CARS1: variants seen among roughly 807,000 people sequenced by gnomAD.
CARS1 encodes the protein cysteinyl-tRNA synthetase 1, also known as cysteine--tRNA ligase, cytoplasmic.
In CARS1, 48 loss-of-function variants were observed where a neutral mutation model predicts 106.2. The observed-to-expected ratio is 0.45, with a 90% CI of 0.36 to 0.57. The LOEUF (loss-of-function observed/expected upper bound fraction) is 0.57, where lower values mean the gene tolerates loss of function less well. Among genes scored for constraint, CARS1 ranks in the 20% least tolerant of loss-of-function variants. The pLI is 0.00. For missense variants in CARS1, 968 were observed against 1,057.2 expected (o/e 0.92, Z 1.17); for synonymous variants, 409 against 403.4 (o/e 1.01, Z -0.17).
chr11:3,051,954 C>G (rs572049155), intron 1 of CARS1, among the ~76,000 whole-genome samples: 5 of 152,364 alleles, frequency 3.3e-5, no homozygotes, highest in Admixed American at 6.5e-5. Flanking sequence ...CTCTCACACT[C>G]AGAATGGATT....
At position 3,019,824 on chromosome 11, in the gene CARS1, AG is replaced by A. The variant is rs1851405099; in HGVS notation, c.1266+395del. 6.6e-6 allele frequency among the ~76,000 whole-genome samples: 1 copy of A among 152,152 alleles called. No individual in the cohort carries two copies. The highest frequency in any genetic ancestry group is 1.5e-5 in the Non-Finnish European group (1 of 68,010). ...ACATCCAGACCTCTGAGCCCTTGAC[AG>A]CTGCAGATGGTCACGCCCCTTCCTA... On this transcript the variant is annotated intron_variant, in intron 11 of 22. Coordinates refer to ENST00000380525, the MANE Select transcript of CARS1 (RefSeq NM_001014437.3). The surrounding 1 kb of genome is among the most constrained non-coding windows in gnomAD (Gnocchi z 6.2).
Position 3,037,770 on chromosome 11 carries a change from T to C in CARS1, c.801+280A>G, listed in dbSNP as rs1038825895. Among the ~76,000 whole-genome samples the C allele has an allele frequency of 6.6e-6, 1 of 152,048 alleles. No homozygotes were observed. The highest frequency in any genetic ancestry group is 1.5e-5 in the Non-Finnish European group (1 of 68,014). ...TGCCTCCCCACGTTCCAAGTGCACCTCCTGCCTATCTGATGGAAGTGGTGG... is the reference window on the plus strand; with the variant it reads ...TGCCTCCCCACGTTCCAAGTGCACCCCCTGCCTATCTGATGGAAGTGGTGG... On this transcript the variant is annotated intron_variant, in intron 7 of 22. Coordinates refer to ENST00000380525, the MANE Select transcript of CARS1 (RefSeq NM_001014437.3). This position sits in a 1 kb window ranked among gnomAD's most constrained non-coding sequence, Gnocchi z 5.9.
In CARS1 at chr11:3,045,101, G is replaced by C. The variant is rs1854945801; in HGVS notation, c.274+2652C>G. Among the ~76,000 whole-genome samples the C allele has an allele frequency of 6.6e-6, 1 of 152,150 alleles. No homozygotes were observed. Among genetic ancestry groups the C allele is most frequent in the Non-Finnish European group, 1.5e-5 (1 of 68,044 alleles). ...GTAGGGAGAGGCCGGCGGGCTGGAA[G>C]GGCTGAGCCTCCACTGCGGGTGAGA... On this transcript the variant is annotated intron_variant, in intron 2 of 22. Coordinates refer to ENST00000380525, the MANE Select transcript of CARS1 (RefSeq NM_001014437.3). This position sits in a 1 kb window ranked among gnomAD's most constrained non-coding sequence, Gnocchi z 5.6.
In CARS1 at chr11:3,038,796, C is replaced by T. The variant is rs971544671; in HGVS notation, c.651+398G>A. Among the ~76,000 whole-genome samples the T allele has an allele frequency of 6.6e-6, 1 of 152,160 alleles. No homozygotes were observed. Among genetic ancestry groups the T allele is most frequent in the Non-Finnish European group, 1.5e-5 (1 of 68,036 alleles). On this transcript the variant is annotated intron_variant, in intron 6 of 22. Transcript: ENST00000380525. The surrounding 1 kb of genome is among the most constrained non-coding windows in gnomAD (Gnocchi z 4.0). ...TTCTTCAAAAGATTCTGAAAATTTA[C>T]AGTATTACCAAATTAAAAAGCTTAG...
rs1333315219 is a variant in CARS1, at chr11:3,057,347, C to T, written c.21G>A (p.Gln7=). MADSSG[Q]QAPDYRSILS... ...TGGCCCGGCCGCGCCGCTCACCCTG[C>T]TGCCCGGAGGAATCTGCCATGGCTG... Residue 7 remains glutamine (Q), a synonymous_variant, in exon 1 of 23, where the codon CAG becomes CAA. Transcript: ENST00000380525. The T allele has an allele frequency of 1.2e-6, 2 of 1,610,194 alleles. No individual in the cohort carries two copies. Among genetic ancestry groups the T allele is most frequent in the Non-Finnish European group, 1.7e-6 (2 of 1,178,764 alleles).
rs1264639906 is a variant in CARS1 at position 3,029,441 on chromosome 11, C to A, written c.804G>T (p.Val268=). 2 of 1,613,662 alleles carry A rather than the reference C, an allele frequency of 1.2e-6. No individual in the cohort carries two copies. Among genetic ancestry groups the A allele is most frequent in the Admixed American group, 3.3e-5 (2 of 60,022 alleles). Residue 268 remains valine, a splice_region_variant and synonymous_variant, in exon 8 of 23, where the codon GTG becomes GTT. Coordinates refer to ENST00000380525, the MANE Select transcript of CARS1 (RefSeq NM_001014437.3). The surrounding 1 kb of genome is among the most constrained non-coding windows in gnomAD (Gnocchi z 5.9). Reference sequence around the variant, plus strand: ...GCAAATCCTTGGCTTCTTCCAGCAACACCTGAAGAGAAAGAAACAAAAATC... The same window carrying A: ...GCAAATCCTTGGCTTCTTCCAGCAAAACCTGAAGAGAAAGAAACAAAAATC... ...TGEEVNSCVE[V]LLEEAKDLLS...
Position 3,039,259 on chromosome 11 carries a change from C to G in CARS1, c.586G>C (p.Glu196Gln). Residue 196 changes from glutamate (E) to glutamine (Q), a missense_variant, in exon 6 of 23, where the codon GAG becomes CAG. Physicochemically the swap from Glu to Gln is conservative, Grantham distance 29. Coordinates refer to ENST00000380525, the MANE Select transcript of CARS1 (RefSeq NM_001014437.3). The surrounding 1 kb of genome is among the most constrained non-coding windows in gnomAD (Gnocchi z 5.6). ...IKRARQNHLFEQYREKRPEAA... is the reference protein window; with the variant it reads ...IKRARQNHLFQQYREKRPEAA... ...TCAGGCCTCTTCTCCCGATACTGCTCGAACAGGTGGTTCTGCCGGGCCCTC... is the reference window on the plus strand; with the variant it reads ...TCAGGCCTCTTCTCCCGATACTGCTGGAACAGGTGGTTCTGCCGGGCCCTC... 6 of 1,613,792 alleles carry G rather than the reference C, an allele frequency of 3.7e-6. No homozygotes were observed. The highest frequency in any genetic ancestry group is 5.1e-6 in the Non-Finnish European group (6 of 1,179,776).
intron 1 of CARS1, chr11:3,055,087 A>G: frequency 1.6e-6 from 1 of 629,642 alleles, no homozygotes; most frequent in East Asian, 2.7e-5. Flanking sequence ...TTCTGAGTCA[A>G]CTTAGGGAAG....
At position 3,044,699 on chromosome 11, in the gene CARS1, C is replaced by T. The variant is rs1265179150; in HGVS notation, c.275-2443G>A. On this transcript the variant is annotated intron_variant, in intron 2 of 22. Coordinates refer to ENST00000380525, the MANE Select transcript of CARS1 (RefSeq NM_001014437.3). This position sits in a 1 kb window ranked among gnomAD's most constrained non-coding sequence, Gnocchi z 4.4. Reference sequence around the variant, plus strand: ...TGTGAGCCACCGCGCCTGGCCTGTGCTTTTGTTTCTTTGGAAAAAATGAAC... The same window carrying T: ...TGTGAGCCACCGCGCCTGGCCTGTGTTTTTGTTTCTTTGGAAAAAATGAAC... 6.6e-6 allele frequency among the ~76,000 whole-genome samples: 1 copy of T among 151,638 alleles called. No homozygotes were observed. The highest frequency in any genetic ancestry group is 1.5e-5 in the Non-Finnish European group (1 of 67,972).
chr11:3,000,966 C>T lies in CARS1; in HGVS notation c.*148G>A. ...AAAATTTATTATCAATGTCTCAGAG[C>T]CAACGACGACACGAACCTACATGAA... On this transcript the variant is annotated 3_prime_UTR_variant, in exon 23 of 23. Transcript: ENST00000380525. The surrounding 1 kb of genome is among the most constrained non-coding windows in gnomAD (Gnocchi z 7.1). 2 of 846,348 alleles carry T rather than the reference C, an allele frequency of 2.4e-6. No homozygotes were observed. Among genetic ancestry groups the T allele is most frequent in the Non-Finnish European group, 3.7e-6 (2 of 535,558 alleles). 52.4% of individuals were successfully genotyped at this position (846,348 alleles called of 1,614,324 possible).
intron 2 of CARS1, among the ~76,000 whole-genome samples, chr11:3,042,571 A>G (rs185753549): frequency 9.9e-4 from 150 of 152,252 alleles, no homozygotes; most frequent in African/African-American, 3.4e-3. Context: ...GCATACCCCA[A>G]TAACACCCTT....
intron 1 of CARS1, among the ~76,000 whole-genome samples, chr11:3,055,574 C>T (rs1856123004): frequency 6.6e-6 from 1 of 152,252 alleles, no homozygotes; most frequent in Admixed American, 6.5e-5. Flanking sequence ...AGGCTGAGGA[C>T]TGGGCAATCT....
Position 3,002,601 on chromosome 11 carries a change from C to T in CARS1, c.2218-1G>A. The stretch of plus-strand genomic sequence containing the variant: ...TCTTCTTCCTCTTCTCCTCTTCAAC[C>T]TGGAGGGTCAATACAGAGCCAGATG... On this transcript the variant is annotated splice_acceptor_variant, in intron 20 of 22. Transcript: ENST00000380525. LOFTEE classifies it high-confidence loss of function. 1 of 1,614,136 alleles carries T rather than the reference C, an allele frequency of 6.2e-7. No individual in the cohort carries two copies. Among genetic ancestry groups the T allele is most frequent in the Non-Finnish European group, 8.5e-7 (1 of 1,179,988 alleles).
At position 3,037,912 on chromosome 11, in the gene CARS1, GC is replaced by G; in HGVS notation, c.801+137del. Reference sequence around the variant, plus strand: ...CAGCCACCGCAGAACAGGGCCGCCTGCCACAGTGGAGCTACTGGAGACACAG... The same window carrying G: ...CAGCCACCGCAGAACAGGGCCGCCTGCACAGTGGAGCTACTGGAGACACAG... On this transcript the variant is annotated intron_variant, in intron 7 of 22. Coordinates refer to ENST00000380525, the MANE Select transcript of CARS1 (RefSeq NM_001014437.3). This position sits in a 1 kb window ranked among gnomAD's most constrained non-coding sequence, Gnocchi z 5.9. 1.2e-6 allele frequency: 1 copy of G among 850,284 alleles called. No homozygotes were observed. Among genetic ancestry groups the G allele is most frequent in the South Asian group, 1.9e-5 (1 of 53,696 alleles). The allele number at this position is 850,284 out of a possible 1,614,324, so 52.7% of individuals were successfully genotyped here.
Position 3,004,067 on chromosome 11 carries a change from C to G in CARS1, c.2217+1299G>C, listed in dbSNP as rs1849633693. Among the ~76,000 whole-genome samples the G allele has an allele frequency of 6.6e-6, 1 of 152,196 alleles. No individual in the cohort carries two copies. Among genetic ancestry groups the G allele is most frequent in the African/African-American group, 2.4e-5 (1 of 41,438 alleles). Reference sequence around the variant, plus strand: ...GCAGCAAGCCAGGGCGTCTGCACAGCCAGCACCAGGCCACCTCACAGCACA... The same window carrying G: ...GCAGCAAGCCAGGGCGTCTGCACAGGCAGCACCAGGCCACCTCACAGCACA... On this transcript the variant is annotated intron_variant, in intron 20 of 22. Coordinates refer to ENST00000380525, the MANE Select transcript of CARS1 (RefSeq NM_001014437.3). The surrounding 1 kb of genome is among the most constrained non-coding windows in gnomAD (Gnocchi z 5.2).
rs7112150 is a variant in CARS1, at chr11:3,022,324, C to T, written c.1154-1992G>A. On this transcript the variant is annotated intron_variant, in intron 10 of 22. Coordinates refer to ENST00000380525, the MANE Select transcript of CARS1 (RefSeq NM_001014437.3). The surrounding 1 kb of genome is among the most constrained non-coding windows in gnomAD (Gnocchi z 4.9). ...GACCTGCACCAAGGAACTGACTCGT[C>T]GCAGAAATGTGGTTTACCTCCCTGT... is the stretch of plus-strand genomic sequence containing the variant. 2.6e-5 allele frequency among the ~76,000 whole-genome samples: 4 copies of T among 152,204 alleles called. No homozygotes were observed. The highest frequency in any genetic ancestry group is 9.7e-5 in the African/African-American group (4 of 41,432).
At chr11:3,002,478 G>A in intron 21 of CARS1, 63 bp downstream of exon 21, 1 of 1,604,300 alleles carries the variant, frequency 6.2e-7, no homozygotes, top group Non-Finnish European at 8.5e-7. Context: ...GAGAGCCACA[G>A]GGCATGGGGT....
At position 3,003,939 on chromosome 11, in the gene CARS1, T is replaced by C. The variant is rs1849623652; in HGVS notation, c.2218-1339A>G. Reference sequence around the variant, plus strand: ...CACAGGCCACAGCCAAGGTGGCCAGTGGAAAGGCCAGCACAAAGAGTGCAA... The same window carrying C: ...CACAGGCCACAGCCAAGGTGGCCAGCGGAAAGGCCAGCACAAAGAGTGCAA... On this transcript the variant is annotated intron_variant, in intron 20 of 22. Transcript: ENST00000380525. The surrounding 1 kb of genome is among the most constrained non-coding windows in gnomAD (Gnocchi z 4.8). Among the ~76,000 whole-genome samples the C allele has an allele frequency of 2.0e-5, 3 of 151,996 alleles. No homozygotes were observed. Among genetic ancestry groups the C allele is most frequent in the Admixed American group, 2.0e-4 (3 of 15,258 alleles).
In CARS1 at chr11:3,043,237, G is replaced by A. The variant is rs893794701; in HGVS notation, c.275-981C>T. ...CTGTCCTTACACAACCTGCATCTGA[G>A]ATCCCTGAAGGGGCAGAGCTCTGTC... On this transcript the variant is annotated intron_variant, in intron 2 of 22. Coordinates refer to ENST00000380525, the MANE Select transcript of CARS1 (RefSeq NM_001014437.3). The surrounding 1 kb of genome is among the most constrained non-coding windows in gnomAD (Gnocchi z 4.0). Among the ~76,000 whole-genome samples, 1 of 152,020 alleles carries A rather than the reference G, an allele frequency of 6.6e-6. No individual in the cohort carries two copies. The highest frequency in any genetic ancestry group is 1.9e-4 in the East Asian group (1 of 5,148).
Sources: gnomAD v4.1 joint callset for allele counts (sites outside exome capture counted in the v4.1 genomes callset) on GRCh38, gnomAD v4.1.1 for gene constraint, Gnocchi (gnomAD v3.1) non-coding constraint, MANE v1.5 for transcripts, NCBI Gene and HGNC (gene_info 2026-07-23, HGNC 2026-07-21) for gene names.